The following ZNF34 variants were observed in gnomAD, a reference collection of about 807,000 sequenced individuals.
ZNF34 encodes the protein zinc finger protein 34 (KOX 32).
ZNF34 carries 8 observed loss-of-function variants against 14.4 expected under a neutral mutation model. That is an observed-to-expected ratio of 0.55 (90% CI 0.33 to 1.00). ZNF34 has a LOEUF of 1.00. ZNF34 is among the 50% of genes least tolerant of loss of function. The pLI is 0.03. For synonymous variants in ZNF34, 235 were observed against 247.9 expected (o/e 0.95, Z 0.49); for missense variants, 538 against 674.2 (o/e 0.80, Z 2.24).
rs961333353 is a variant in ZNF34, at chr8:144,773,514, C to T, written c.1372G>A (p.Glu458Lys). 13 of 1,614,184 alleles carry T rather than the reference C, an allele frequency of 8.1e-6. No individual in the cohort carries two copies. In the East Asian group the frequency reaches 1.6e-4, roughly 19 times the overall value. The stretch of plus-strand genomic sequence containing the variant: ...CTGTTGTGGAAGGCCTTCCCACACT[C>T]GCTGCACTTGTAGGGCTTCTCTCCT... ...HTGEKPYKCS[E>K]CGKAFHNSSR... Residue 458 changes from glutamate to lysine, a missense_variant, in exon 6 of 6, where the codon GAG becomes AAG. This residue lies in a region of ZNF34 where 101 missense variants were observed against 123.1 expected (regional missense o/e 0.82). Coordinates refer to ENST00000429371, the MANE Select transcript of ZNF34 (RefSeq NM_001286769.2). This position sits in a 1 kb window ranked among gnomAD's most constrained non-coding sequence, Gnocchi z 5.4.
Position 144,773,215 on chromosome 8 carries a change from C to T in ZNF34, c.*51G>A, listed in dbSNP as rs1162013539. ...AAAGGGCAGAGTCAGGTGCCGGGGG[C>T]GCATGCAGGAAGTGCTCAGCTGGAC... On this transcript the variant is annotated 3_prime_UTR_variant, in exon 6 of 6. Transcript: ENST00000429371. This position sits in a 1 kb window ranked among gnomAD's most constrained non-coding sequence, Gnocchi z 5.4. 1.2e-5 allele frequency: 18 copies of T among 1,532,106 alleles called. No homozygotes were observed. Among genetic ancestry groups the T allele is most frequent in the East Asian group, 4.6e-5 (2 of 43,838 alleles). The allele number at this position is 1,532,106 out of a possible 1,614,324, so 94.9% of individuals were successfully genotyped here. A position where few individuals can be genotyped will look rare whatever the true frequency, so the allele number is the denominator to read the frequency against.
intron 1 of ZNF34, among the ~76,000 whole-genome samples, chr8:144,782,347 G>A (rs189271593): frequency 1.4e-5 from 2 of 141,874 alleles, no homozygotes; most frequent in Non-Finnish European, 1.5e-5. Context: ...AAACTTAGCC[G>A]GGCATGGTGG....
intron 1 of ZNF34, among the ~76,000 whole-genome samples, chr8:144,786,891 G>A (rs565457439): frequency 2.2e-4 from 33 of 151,996 alleles, no homozygotes; most frequent in African/African-American, 7.7e-4. Flanking sequence ...CCCCTGAAAA[G>A]CTGACAGGAG....
chr8:144,780,026 CA>C (rs10710060), intron 2 of ZNF34, among the ~76,000 whole-genome samples: 4,615 of 101,602 alleles, frequency 0.045, 228 homozygotes, highest in African/African-American at 0.16. Flanking sequence ...TTAATGCTAC[CA>C]AAAAAAAAAA....
intron 5 of ZNF34, among the ~76,000 whole-genome samples, chr8:144,776,656 C>T (rs920616164): frequency 1.5e-4 from 22 of 149,566 alleles, no homozygotes; most frequent in Admixed American, 4.0e-4. Flanking sequence ...CACACTTTAA[C>T]TCCAGAACTT....
At position 144,778,425 on chromosome 8, in the gene ZNF34, G is replaced by C; in HGVS notation, c.33+14C>G. The C allele has an allele frequency of 2.6e-6, 4 of 1,550,046 alleles. No homozygotes were observed. The highest frequency in any genetic ancestry group is 3.5e-6 in the Non-Finnish European group (4 of 1,149,614). ...GGTAAAAACTTCACTCCTCCCAGGA[G>C]GACAGACACTCACCTGGGGTGGGGC... On this transcript the variant is annotated intron_variant, in intron 3 of 5. Transcript: ENST00000429371.
chr8:144,775,384 C>T (rs116647364), intron 5 of ZNF34, among the ~76,000 whole-genome samples: 111 of 152,298 alleles, frequency 7.3e-4, no homozygotes, highest in African/African-American at 2.4e-3. Flanking sequence ...GGTACACACG[C>T]GCCAGAAATG....
At chr8:144,785,979 G>GT (rs35149527) in intron 1 of ZNF34, among the ~76,000 whole-genome samples, 1,563 of 99,266 alleles carry the variant, frequency 0.016, 47 homozygotes, top group African/African-American at 0.033. Context: ...TACATAGGTA[G>GT]TTTTTTTTTT....
Position 144,773,635 on chromosome 8 carries a change from C to A in ZNF34, c.1251G>T (p.Gln417His). Reference sequence around the variant, plus strand: ...AGGGCTTCTCTCCAGTGTGGCTTCTCTGATGTTCCACGAGTTTGGTTTTTT... The same window carrying A: ...AGGGCTTCTCTCCAGTGTGGCTTCTATGATGTTCCACGAGTTTGGTTTTTT... ...FIQKTKLVEH[Q>H]RSHTGEKPYE... The change falls in exon 6 of 6, where the codon CAG becomes CAT. Residue 417 changes from glutamine to histidine, a missense_variant. By Grantham distance (24) the Gln-to-His change is conservative. Transcript: ENST00000429371. This position sits in a 1 kb window ranked among gnomAD's most constrained non-coding sequence, Gnocchi z 5.4. 1 of 1,614,162 alleles carries A rather than the reference C, an allele frequency of 6.2e-7. No homozygotes were observed. Among genetic ancestry groups the A allele is most frequent in the Non-Finnish European group, 8.5e-7 (1 of 1,180,020 alleles).
rs1309564047 is a variant in ZNF34, at chr8:144,773,934, C to G, written c.952G>C (p.Glu318Gln). Residue 318 changes from glutamate to glutamine, a missense_variant, in exon 6 of 6, where the codon GAG (glutamate) becomes CAG (glutamine). This residue lies in a region of ZNF34 where 431 missense variants were observed against 525.7 expected (regional missense o/e 0.82). Coordinates refer to ENST00000429371, the MANE Select transcript of ZNF34 (RefSeq NM_001286769.2). This position sits in a 1 kb window ranked among gnomAD's most constrained non-coding sequence, Gnocchi z 5.4. ...HTGEKPYKCG[E>Q]CGKHFSAYSS... Reference sequence around the variant, plus strand: ...TAGGCGCTAAAGTGCTTCCCACACTCCCCACACTTGTAGGGTTTCTCCCCA... The same window carrying G: ...TAGGCGCTAAAGTGCTTCCCACACTGCCCACACTTGTAGGGTTTCTCCCCA... 1 of 1,614,048 alleles carries G rather than the reference C, an allele frequency of 6.2e-7. No homozygotes were observed. Among genetic ancestry groups the G allele is most frequent in the South Asian group, 1.1e-5 (1 of 91,082 alleles).
intron 1 of ZNF34, among the ~76,000 whole-genome samples, chr8:144,786,877 C>T (rs938047062): frequency 6.6e-6 from 1 of 151,870 alleles, no homozygotes; most frequent in Non-Finnish European, 1.5e-5. Context: ...ACGCACGAGC[C>T]CCGCCCCTGA....
At chr8:144,786,598 T>C (rs112488369) in intron 1 of ZNF34, among the ~76,000 whole-genome samples, 2 of 151,044 alleles carry the variant, frequency 1.3e-5, no homozygotes, top group African/African-American at 4.9e-5. Flanking sequence ...CGCGCCATCG[T>C]ACTCCAGCCT....
chr8:144,782,842 CAA>C (rs548252812), intron 1 of ZNF34, among the ~76,000 whole-genome samples: 65 of 22,938 alleles, frequency 2.8e-3, no homozygotes, highest in African/African-American at 0.016. Flanking sequence ...AAGCCTATCT[CAA>C]AAAAAAAAAA....
chr8:144,778,015 C>G lies in ZNF34; in HGVS notation c.160+23G>C, dbSNP rs750473559. 5.0e-6 allele frequency: 8 copies of G among 1,612,842 alleles called. No homozygotes were observed. The Admixed American group carries it at 1.0e-4, about 20-fold the overall frequency. On this transcript the variant is annotated intron_variant, in intron 4 of 5. Coordinates refer to ENST00000429371, the MANE Select transcript of ZNF34 (RefSeq NM_001286769.2). ...TTAGCCCCCAGGGCTGTTCCCAGAG[C>G]TGAGTTCTGGTGAGGGCCTTACCCA...
Position 144,779,231 on chromosome 8 carries a change from C to T in ZNF34, c.-54-706G>A, listed in dbSNP as rs1433787663. Among the ~76,000 whole-genome samples the T allele has an allele frequency of 6.6e-6, 1 of 152,180 alleles. No individual in the cohort carries two copies. The highest frequency in any genetic ancestry group is 6.5e-5 in the Admixed American group (1 of 15,270). On this transcript the variant is annotated intron_variant, in intron 2 of 5. Coordinates refer to ENST00000429371, the MANE Select transcript of ZNF34 (RefSeq NM_001286769.2). This position sits in a 1 kb window ranked among gnomAD's most constrained non-coding sequence, Gnocchi z 4.1. ...TGTGCACAGACTTGTTGGTTCCTTG[C>T]TTCTTGCTCTCCCAGGCTCATAAAC... is the stretch of plus-strand genomic sequence containing the variant.
At position 144,773,435 on chromosome 8, in the gene ZNF34, C is replaced by G. The variant is rs1045011239; in HGVS notation, c.1451G>C (p.Cys484Ser). 6.2e-7 allele frequency: 1 copy of G among 1,613,814 alleles called. No individual in the cohort carries two copies. Among genetic ancestry groups the G allele is most frequent in the Non-Finnish European group, 8.5e-7 (1 of 1,179,988 alleles). The change falls in exon 6 of 6, where the codon TGC becomes TCC. Residue 484 changes from cysteine to serine, a missense_variant. By Grantham distance (112) the Cys-to-Ser change is moderately radical. Transcript: ENST00000429371. The surrounding 1 kb of genome is among the most constrained non-coding windows in gnomAD (Gnocchi z 5.4). Reference sequence around the variant, plus strand: ...GCTGAAGGCTTTCTTGCAATCGCTGCATCTGTAGGGTTTCTCTCCGTGGTG... The same window carrying G: ...GCTGAAGGCTTTCTTGCAATCGCTGGATCTGTAGGGTTTCTCTCCGTGGTG... ...RLHHGEKPYR[C>S]SDCKKAFSQS... is the part of the protein sequence containing the mutation.
rs1825585793 is a variant in ZNF34, at chr8:144,777,369, A to G, written c.280+89T>C. On this transcript the variant is annotated intron_variant, in intron 5 of 5. Coordinates refer to ENST00000429371, the MANE Select transcript of ZNF34 (RefSeq NM_001286769.2). The surrounding 1 kb of genome is among the most constrained non-coding windows in gnomAD (Gnocchi z 4.8). ...GTGCTAGCCCCGATGAATCTGGCCC[A>G]CAAACTCCTGATTCATTAATCAGAC... The G allele has an allele frequency of 2.0e-6, 3 of 1,480,276 alleles. No individual in the cohort carries two copies. The Admixed American group carries it at 6.4e-5, about 32-fold the overall frequency. The allele number at this position is 1,480,276 out of a possible 1,614,324, so 91.7% of individuals were successfully genotyped here. A position where few individuals can be genotyped will look rare whatever the true frequency, so the allele number is the denominator to read the frequency against.
At position 144,773,378 on chromosome 8, in the gene ZNF34, A is replaced by C; in HGVS notation, c.1508T>G (p.Ile503Ser). Residue 503 changes from isoleucine to serine, a missense_variant, in exon 6 of 6, where the codon ATC becomes AGC. Coordinates refer to ENST00000429371, the MANE Select transcript of ZNF34 (RefSeq NM_001286769.2). This position sits in a 1 kb window ranked among gnomAD's most constrained non-coding sequence, Gnocchi z 5.4. Reference sequence around the variant, plus strand: ...CTTGTAGGGCTTCTCCCCGGTGTGGATCCTCCGGTGCTGAATCAAGTACGT... The same window carrying C: ...CTTGTAGGGCTTCTCCCCGGTGTGGCTCCTCCGGTGCTGAATCAAGTACGT... ...QSTYLIQHRR[I>S]HTGEKPYKCS... The C allele has an allele frequency of 6.2e-7, 1 of 1,614,074 alleles. No individual in the cohort carries two copies. The highest frequency in any genetic ancestry group is 8.5e-7 in the Non-Finnish European group (1 of 1,180,012).
chr8:144,787,304 G>C lies in ZNF34; in HGVS notation c.-133C>G, dbSNP rs1357330237. On this transcript the variant is annotated 5_prime_UTR_variant, in exon 1 of 6. Transcript: ENST00000429371. ...CTCAGCGCCGCCGAGCAGCACGGCA[G>C]CCCAACCTCGCCCGTTCGGCCCTCC... The C allele has an allele frequency of 6.6e-6, 1 of 152,446 alleles. No homozygotes were observed. Among genetic ancestry groups the C allele is most frequent in the Non-Finnish European group, 1.5e-5 (1 of 68,212 alleles). The allele number at this position is 152,446 out of a possible 1,614,324, so 9.4% of individuals were successfully genotyped here. A position where few individuals can be genotyped will look rare whatever the true frequency, so the allele number is the denominator to read the frequency against.
Sources: gnomAD v4.1 joint callset for allele counts (sites outside exome capture counted in the v4.1 genomes callset) on GRCh38, gnomAD v4.1.1 for gene constraint, gnomAD v4.1.1 regional missense constraint, Gnocchi (gnomAD v3.1) non-coding constraint, MANE v1.5 for transcripts, NCBI Gene and HGNC (gene_info 2026-07-23, HGNC 2026-07-21) for gene names.